Variants in MALRD1 observed in about 807,000 individuals in gnomAD.
MALRD1 encodes the protein MAM and LDL-receptor class A domain-containing protein 1.
MALRD1 carries 247 observed loss-of-function variants against 242.1 expected under a neutral mutation model. That is an observed-to-expected ratio of 1.02 (90% CI 0.92 to 1.13). The LOEUF is 1.13. MALRD1 is among the 50% of genes most tolerant of loss of function. MALRD1 has a pLI of 0.00. For missense variants in MALRD1, 2,989 were observed against 2,533.1 expected (o/e 1.18, Z -3.86); for synonymous variants, 995 against 866.6 (o/e 1.15, Z -2.60).
intron 14 of MALRD1, among the ~76,000 whole-genome samples, chr10:19,176,986 C>A (rs1401498521): frequency 1.3e-5 from 2 of 151,782 alleles, no homozygotes; most frequent in African/African-American, 2.4e-5. Flanking sequence ...TTTAAAGATT[C>A]ATGAGTTTGG....
rs1844406272 is a variant in MALRD1, at chr10:19,352,107, AG to A, written c.4252del (p.Glu1418AsnfsTer88). 1 of 1,550,420 alleles carries A rather than the reference AG, an allele frequency of 6.4e-7. No individual in the cohort carries two copies. Among genetic ancestry groups the A allele is most frequent in the Non-Finnish European group, 8.7e-7 (1 of 1,146,908 alleles). ...CGAAGGTTCTACTTAACCTCACTGT[AG>A]AACAAGGCAATTTCTGGCGGAGAGA... ...QTKVLLNLTV[E>X]QGNFWRREEL... On this transcript the variant is annotated frameshift_variant, in exon 26 of 40. Transcript: ENST00000454679. LOFTEE classifies it high-confidence loss of function.
At chr10:19,477,805 T>A (rs1397884694) in intron 29 of MALRD1, among the ~76,000 whole-genome samples, 1 of 152,198 alleles carries the variant, frequency 6.6e-6, no homozygotes, top group African/African-American at 2.4e-5. Context: ...GCATAGCACA[T>A]GAAGAAGCTG....
chr10:19,511,294 G>T (rs1204099239), intron 31 of MALRD1, among the ~76,000 whole-genome samples: 1 of 152,118 alleles, frequency 6.6e-6, no homozygotes, highest in Non-Finnish European at 1.5e-5. Context: ...GAGACATGGA[G>T]TCAAAAAGAT....
At chr10:19,432,602 C>T (rs1475546989) in intron 28 of MALRD1, among the ~76,000 whole-genome samples, 2 of 152,212 alleles carry the variant, frequency 1.3e-5, no homozygotes, top group African/African-American at 4.8e-5. Context: ...AAGGGCTTGT[C>T]CTCATGAATC....
At chr10:19,488,375 C>T (rs1564383841) in intron 29 of MALRD1, among the ~76,000 whole-genome samples, 1 of 151,964 alleles carries the variant, frequency 6.6e-6, no homozygotes, top group African/African-American at 2.4e-5. Context: ...GGACAGCCAG[C>T]CATGTATAAA....
intron 36 of MALRD1, among the ~76,000 whole-genome samples, chr10:19,624,745 A>G (rs1463738044): frequency 6.6e-6 from 1 of 151,958 alleles, no homozygotes; most frequent in Non-Finnish European, 1.5e-5. Flanking sequence ...ACATGCCTGT[A>G]ATTTTAGCTG....
intron 21 of MALRD1, among the ~76,000 whole-genome samples, chr10:19,298,763 A>G (rs1221071734): frequency 6.6e-6 from 1 of 152,018 alleles, no homozygotes; most frequent in African/African-American, 2.4e-5. Context: ...TTTGGCTCAC[A>G]GGAATAGAAA....
intron 14 of MALRD1, among the ~76,000 whole-genome samples, chr10:19,176,472 T>A (rs1224494239): frequency 5.5e-5 from 8 of 144,620 alleles, no homozygotes; most frequent in African/African-American, 2.0e-4. Context: ...CTTCCCGGGT[T>A]CAAGCCATTC....
At chr10:19,411,057 G>T (rs1285139875) in intron 28 of MALRD1, among the ~76,000 whole-genome samples, 1 of 151,964 alleles carries the variant, frequency 6.6e-6, no homozygotes, top group Non-Finnish European at 1.5e-5. Flanking sequence ...TGAAATCTGC[G>T]ACTTTTTGAA....
intron 18 of MALRD1, among the ~76,000 whole-genome samples, chr10:19,240,598 ACTAT>A (rs1554818393): frequency 6.6e-6 from 1 of 152,058 alleles, no homozygotes; most frequent in Non-Finnish European, 1.5e-5. Flanking sequence ...GACCTCCAGT[ACTAT>A]GCTAAATAGA....
chr10:19,263,492 G>GT (rs200921232), intron 19 of MALRD1, among the ~76,000 whole-genome samples: 2,232 of 143,438 alleles, frequency 0.016, 42 homozygotes, highest in African/African-American at 0.054. Context: ...ATTATTTGTT[G>GT]TTTTTTTTTG....
intron 38 of MALRD1, among the ~76,000 whole-genome samples, chr10:19,714,746 G>C (rs1479667951): frequency 1.3e-5 from 2 of 152,096 alleles, no homozygotes; most frequent in Non-Finnish European, 2.9e-5. Flanking sequence ...AACAGGGAAC[G>C]TGAAGATCAT....
At chr10:19,571,840 G>C (rs1564449552) in intron 33 of MALRD1, among the ~76,000 whole-genome samples, 1 of 152,128 alleles carries the variant, frequency 6.6e-6, no homozygotes, top group Non-Finnish European at 1.5e-5. Flanking sequence ...TGAATTAACA[G>C]ATAATTTTCT....
At chr10:19,318,966 C>T (rs1375707728) in intron 21 of MALRD1, among the ~76,000 whole-genome samples, 2 of 55,672 alleles carry the variant, frequency 3.6e-5, no homozygotes, top group Non-Finnish European at 7.5e-5. Flanking sequence ...TAATAACGTA[C>T]ACAGACATAC....
intron 28 of MALRD1, among the ~76,000 whole-genome samples, chr10:19,440,766 C>T (rs1490437537): frequency 6.6e-6 from 1 of 152,034 alleles, no homozygotes. Context: ...GGGTTGGTTC[C>T]AGGTCTTTGC....
chr10:19,279,923 T>G, intron 19 of MALRD1, 124 bp from the exon 20 acceptor site: 1 of 665,240 alleles, frequency 1.5e-6, no homozygotes, highest in Non-Finnish European at 2.2e-6. Flanking sequence ...GAGTAGCTGA[T>G]ACTACCCACT....
chr10:19,119,546 G>T (rs113458407), intron 5 of MALRD1, among the ~76,000 whole-genome samples: 3 of 152,072 alleles, frequency 2.0e-5, no homozygotes, highest in Non-Finnish European at 4.4e-5. Context: ...GTGCTCAGTC[G>T]GTTCCTGGGT....
At chr10:19,214,428 A>G (rs1271659235) in intron 18 of MALRD1, among the ~76,000 whole-genome samples, 1 of 152,190 alleles carries the variant, frequency 6.6e-6, no homozygotes, top group Non-Finnish European at 1.5e-5. Flanking sequence ...TTGTTACTCC[A>G]TCATGGTCAT....
chr10:19,496,169 G>T (rs1002343620), intron 30 of MALRD1, among the ~76,000 whole-genome samples: 1 of 152,094 alleles, frequency 6.6e-6, no homozygotes, highest in African/African-American at 2.4e-5. Context: ...AATTGAGGCA[G>T]AAAATTAACA....
Sources: gnomAD v4.1 joint callset for allele counts (sites outside exome capture counted in the v4.1 genomes callset) on GRCh38, gnomAD v4.1.1 for gene constraint, MANE v1.5 for transcripts, NCBI Gene and HGNC (gene_info 2026-07-23, HGNC 2026-07-21) for gene names.